Variants in ACSL4 observed in about 807,000 individuals in gnomAD.
ACSL4 encodes the protein acyl-CoA synthetase long chain family member 4.
In ACSL4, 9 loss-of-function variants were observed where a neutral mutation model predicts 49.1. That is an observed-to-expected ratio of 0.18 (90% confidence interval 0.11 to 0.32). The LOEUF is 0.32. ACSL4 is among the 10% of genes least tolerant of loss of function. The probability of loss-of-function intolerance (pLI) is 1.00; values close to 1 mark genes in which losing one functional copy is unlikely to be tolerated. For missense variants in ACSL4, 333 were observed against 493.7 expected (o/e 0.67, Z 3.08); for synonymous variants, 191 against 170.3 (o/e 1.12, Z -0.95).
At chrX:109,669,257 G>T (rs945993470) in intron 9 of ACSL4, 84 bp from the exon 10 acceptor site, 3 of 756,362 alleles carry the variant, frequency 4.0e-6, no homozygotes, top group Non-Finnish European at 5.9e-6. Context: ...AACATCTTGG[G>T]TAAAAGTCTT....
At chrX:109,683,496 G>C (rs200730733) in intron 2 of ACSL4, 121 bp from the exon 3 acceptor site, 45 of 1,178,431 alleles carry the variant, frequency 3.8e-5, no homozygotes, top group South Asian at 1.8e-4. Flanking sequence ...TAGTGGAAAG[G>C]CTTCTAAAAT....
At chrX:109,644,295 T>A in intron 15 of ACSL4, 109 bp from the exon 16 acceptor site, 5 of 689,592 alleles carry the variant, frequency 7.3e-6, no homozygotes, top group Non-Finnish European at 1.0e-5. Flanking sequence ...AAAATATGAG[T>A]TTTTCAGGAT....
intron 2 of ACSL4, among the ~76,000 whole-genome samples, chrX:109,689,034 C>T (rs1924830935): frequency 9.0e-6 from 1 of 111,279 alleles, no homozygotes; most frequent in Admixed American, 9.6e-5. Context: ...ATACCTCAAA[C>T]TTAGCATGTT....
intron 14 of ACSL4, among the ~76,000 whole-genome samples, chrX:109,660,813 G>C (rs1425668095): frequency 3.6e-5 from 4 of 111,642 alleles, no homozygotes; most frequent in Non-Finnish European, 7.6e-5. Flanking sequence ...ATTATACTAA[G>C]GGAATTAAGC....
At chrX:109,720,489 C>T (rs1026961098) in intron 1 of ACSL4, among the ~76,000 whole-genome samples, 5 of 111,747 alleles carry the variant, frequency 4.5e-5, no homozygotes, top group Non-Finnish European at 9.4e-5. Context: ...CTTAGTAAAA[C>T]AGTCCAAAAT....
chrX:109,703,967 A>C (rs191572400), intron 1 of ACSL4, among the ~76,000 whole-genome samples: 2 of 111,255 alleles, frequency 1.8e-5, no homozygotes, highest in Non-Finnish European at 3.8e-5. Flanking sequence ...ATATTAGATA[A>C]ATATTGTGGG....
intron 1 of ACSL4, among the ~76,000 whole-genome samples, chrX:109,718,945 C>T (rs1434984644): frequency 9.0e-6 from 1 of 111,385 alleles, no homozygotes; most frequent in African/African-American, 3.3e-5. Context: ...TCCACCTCCA[C>T]TTTTAAGCTG....
chrX:109,705,737 G>A (rs1481913920), intron 1 of ACSL4, among the ~76,000 whole-genome samples: 8 of 112,521 alleles, frequency 7.1e-5, no homozygotes, highest in Admixed American at 2.8e-4. Context: ...TGCTTTTGTT[G>A]CCCAGGCTGG....
chrX:109,676,597 C>CA (rs1569426427), intron 8 of ACSL4, among the ~76,000 whole-genome samples: 1 of 105,955 alleles, frequency 9.4e-6, no homozygotes, highest in Non-Finnish European at 2.0e-5. Context: ...TTTAGTGGCT[C>CA]TTTTTTTTTT....
intron 6 of ACSL4, 82 bp downstream of exon 6, chrX:109,680,916 A>T: frequency 9.8e-7 from 1 of 1,020,834 alleles, no homozygotes; most frequent in Non-Finnish European, 1.4e-6. Context: ...TTGTGGATTT[A>T]CTCATGTCAT....
intron 2 of ACSL4, chrX:109,685,448 C>T (rs983470157): frequency 1.8e-5 from 2 of 111,058 alleles, no homozygotes; most frequent in East Asian, 2.8e-4. Context: ...AAAGCTACTT[C>T]GGTGAGTTGT....
At chrX:109,646,456 C>T (rs1934705553) in intron 15 of ACSL4, among the ~76,000 whole-genome samples, 1 of 109,564 alleles carries the variant, frequency 9.1e-6, no homozygotes, top group African/African-American at 3.3e-5. Context: ...AAATACTTTA[C>T]AGACAAGCAA....
At chrX:109,644,612 C>G (rs971459411) in intron 15 of ACSL4, among the ~76,000 whole-genome samples, 8 of 112,257 alleles carry the variant, frequency 7.1e-5, no homozygotes, top group Non-Finnish European at 1.5e-4. Context: ...CATATGTCTG[C>G]TCAAATACCA....
chrX:109,643,806 C>A lies in ACSL4; in HGVS notation c.*223G>T. On this transcript the variant is annotated 3_prime_UTR_variant, in exon 16 of 16. Coordinates refer to ENST00000672401, the MANE Select transcript of ACSL4 (RefSeq NM_001318510.2). ...GAATTTCTGCTCTATAATAACACAG[C>A]TAAAGGGAAATAACTTTTCAATTTC... 2.5e-6 allele frequency: 1 copy of A among 395,391 alleles called. No individual in the cohort carries two copies. The highest frequency in any genetic ancestry group is 4.4e-6 in the Non-Finnish European group (1 of 227,649). 32.6% of individuals were successfully genotyped at this position (395,391 alleles called of 1,213,427 possible).
intron 2 of ACSL4, among the ~76,000 whole-genome samples, chrX:109,686,037 C>T (rs1924580293): frequency 9.0e-6 from 1 of 111,530 alleles, no homozygotes; most frequent in African/African-American, 3.3e-5. Flanking sequence ...CAAGTCTGGT[C>T]ATTCATTTCT....
intron 1 of ACSL4, among the ~76,000 whole-genome samples, chrX:109,704,589 G>A (rs1387355347): frequency 8.9e-6 from 1 of 111,868 alleles, no homozygotes; most frequent in Admixed American, 9.5e-5. Flanking sequence ...AAGATAATGA[G>A]CTTGTCTCTA....
At chrX:109,650,129 G>A (rs1934952071) in intron 15 of ACSL4, among the ~76,000 whole-genome samples, 2 of 111,481 alleles carry the variant, frequency 1.8e-5, no homozygotes, top group Non-Finnish European at 3.8e-5. Context: ...TGATTCCTCA[G>A]GGATCTAGAA....
rs751217404 is a variant in ACSL4 at position 109,701,548 on chromosome X, C to CT, written c.-65-5353dup. Among the ~76,000 whole-genome samples the CT allele has an allele frequency of 2.0e-3, 162 of 82,524 alleles. 1 individual carries two copies. The highest frequency in any genetic ancestry group is 3.3e-3 in the African/African-American group (75 of 22,549). The allele number at this position is 82,524 out of a possible 115,157, so 71.7% of individuals were successfully genotyped here. ...TAGAATTTTTCTTCTTCTTCTTTTT[C>CT]TTTTTTTTTTTTTTTTAGATGGAGT... On this transcript the variant is annotated intron_variant, in intron 1 of 15. Transcript: ENST00000672401.
intron 1 of ACSL4, among the ~76,000 whole-genome samples, chrX:109,698,866 T>C (rs966167202): frequency 8.9e-6 from 1 of 112,503 alleles, no homozygotes; most frequent in Non-Finnish European, 1.9e-5. Context: ...ATTAATGTGT[T>C]TGGCTCTAGC....
Sources: gnomAD v4.1 joint callset for allele counts (sites outside exome capture counted in the v4.1 genomes callset) on GRCh38, gnomAD v4.1.1 for gene constraint, MANE v1.5 for transcripts, NCBI Gene and HGNC (gene_info 2026-07-23, HGNC 2026-07-21) for gene names.